Variants in AK4 observed in about 807,000 individuals in gnomAD.
The protein encoded by AK4 is adenylate kinase 4, mitochondrial.
In AK4, 13 loss-of-function variants were observed where a neutral mutation model predicts 24.6. The observed-to-expected ratio is 0.53, with a 90% CI of 0.34 to 0.84. The LOEUF (loss-of-function observed/expected upper bound fraction) is 0.84. Ranked by LOEUF, AK4 falls within the 40% of genes least tolerant of loss-of-function variation. The pLI is 0.01. For synonymous variants in AK4, 88 were observed against 107.0 expected, an observed-to-expected ratio of 0.82 and a Z score of 1.10; for missense variants, 192 against 288.2, an observed-to-expected ratio of 0.67 and a Z score of 2.42.
intron 1 of AK4, among the ~76,000 whole-genome samples, chr1:65,166,310 C>CTGTGTGTGTGTG (rs34870729): frequency 3.6e-4 from 52 of 143,116 alleles, no homozygotes; most frequent in Non-Finnish European, 5.1e-4. Context: ...GGGATTTAAG[C>CTGTGTGTGTGTG]TGTGTGTGTG....
At chr1:65,208,612 A>G (rs1651878993) in intron 2 of AK4, among the ~76,000 whole-genome samples, 1 of 152,160 alleles carries the variant, frequency 6.6e-6, no homozygotes, top group African/African-American at 2.4e-5. Flanking sequence ...TGGAGGTAGG[A>G]AGGGGGCTGA....
intron 3 of AK4, 149 bp from the exon 4 acceptor site, chr1:65,224,603 A>G (rs761636286): frequency 1.7e-5 from 11 of 639,816 alleles, no homozygotes; most frequent in South Asian, 3.7e-5. Context: ...TTCTTTTTCT[A>G]CTACTCTTAA....
chr1:65,227,279 A>G lies in AK4; in HGVS notation c.*1102A>G, dbSNP rs1652495145. Reference sequence around the variant, plus strand: ...TATGAGTGACCCAAACATATTATAAATATGTGGTAAAGGGAATGGAGCCTG... The same window carrying G: ...TATGAGTGACCCAAACATATTATAAGTATGTGGTAAAGGGAATGGAGCCTG... On this transcript the variant is annotated 3_prime_UTR_variant, in exon 5 of 5. Coordinates refer to ENST00000327299, the MANE Select transcript of AK4 (RefSeq NM_013410.4). The G allele has an allele frequency of 1.4e-5, 2 of 144,742 alleles. No homozygotes were observed. Among genetic ancestry groups the G allele is most frequent in the East Asian group, 2.1e-4 (1 of 4,876 alleles). 9.0% of individuals were successfully genotyped at this position (144,742 alleles called of 1,614,324 possible).
rs1353745217 is a variant in AK4 at position 65,229,616 on chromosome 1, G to A, written c.*3439G>A. On this transcript the variant is annotated 3_prime_UTR_variant, in exon 5 of 5. Transcript: ENST00000327299. The stretch of plus-strand genomic sequence containing the variant: ...CTTTTTCTTAGCTTAAGAAAAGAAA[G>A]CTGCTAGATGAGAGTCTTAGTTTTC... The A allele has an allele frequency of 6.6e-6, 1 of 151,858 alleles. No individual in the cohort carries two copies. Among genetic ancestry groups the A allele is most frequent in the Non-Finnish European group, 1.5e-5 (1 of 68,008 alleles). The allele number at this position is 151,858 out of a possible 1,614,324, so 9.4% of individuals were successfully genotyped here. A position where few individuals can be genotyped will look rare whatever the true frequency, so the allele number is the denominator to read the frequency against.
In AK4 at chr1:65,231,055, T is replaced by G. The variant is rs932507198; in HGVS notation, c.*4878T>G. ...TTTGGTGTCTTTAAAAAAAATAACCTAGTAATAAAGACTTCTTTTAATGTG... is the reference window on the plus strand; with the variant it reads ...TTTGGTGTCTTTAAAAAAAATAACCGAGTAATAAAGACTTCTTTTAATGTG... On this transcript the variant is annotated 3_prime_UTR_variant, in exon 5 of 5. Transcript: ENST00000327299. 1 of 152,198 alleles carries G rather than the reference T, an allele frequency of 6.6e-6. No individual in the cohort carries two copies. Among genetic ancestry groups the G allele is most frequent in the African/African-American group, 2.4e-5 (1 of 41,454 alleles). 9.4% of individuals were successfully genotyped at this position (152,198 alleles called of 1,614,324 possible).
intron 1 of AK4, among the ~76,000 whole-genome samples, chr1:65,189,674 C>CAT (rs1553124626): frequency 1.4e-5 from 2 of 140,816 alleles, no homozygotes; most frequent in African/African-American, 5.6e-5. Context: ...CACACACACA[C>CAT]ACACCCCACA....
chr1:65,158,253 G>A (rs1450871573), intron 1 of AK4, among the ~76,000 whole-genome samples: 2 of 152,008 alleles, frequency 1.3e-5, no homozygotes, highest in Non-Finnish European at 2.9e-5. Context: ...TAGTAAATTG[G>A]GCTTCAAGCT....
chr1:65,198,267 T>C (rs1004216355), intron 2 of AK4, among the ~76,000 whole-genome samples: 2 of 152,228 alleles, frequency 1.3e-5, no homozygotes, highest in Non-Finnish European at 2.9e-5. Context: ...GGAGCTCTAC[T>C]AGGGTGCTGT....
At chr1:65,214,040 A>G (rs1652049838) in intron 2 of AK4, among the ~76,000 whole-genome samples, 1 of 152,178 alleles carries the variant, frequency 6.6e-6, no homozygotes, top group African/African-American at 2.4e-5. Flanking sequence ...AGCTTCCAGG[A>G]TTGTTTAAGC....
rs1361865929 is a variant in AK4, at chr1:65,230,164, A to G, written c.*3987A>G. Reference sequence around the variant, plus strand: ...GATCACCCCCCTGCTGCCCTCTAGCAGCCAAACTCAGATGAGTTCCATTGT... The same window carrying G: ...GATCACCCCCCTGCTGCCCTCTAGCGGCCAAACTCAGATGAGTTCCATTGT... On this transcript the variant is annotated 3_prime_UTR_variant, in exon 5 of 5. Transcript: ENST00000327299. 6.6e-6 allele frequency: 1 copy of G among 152,232 alleles called. No homozygotes were observed. Among genetic ancestry groups the G allele is most frequent in the Non-Finnish European group, 1.5e-5 (1 of 68,082 alleles). 9.4% of individuals were successfully genotyped at this position (152,232 alleles called of 1,614,324 possible).
intron 1 of AK4, among the ~76,000 whole-genome samples, chr1:65,149,461 T>C (rs1312798000): frequency 6.6e-6 from 1 of 152,194 alleles, no homozygotes; most frequent in East Asian, 1.9e-4. Flanking sequence ...GCGAGGCTCT[T>C]AACCCTTCTG....
At chr1:65,181,952 G>C (rs1413391866) in intron 1 of AK4, among the ~76,000 whole-genome samples, 1 of 152,098 alleles carries the variant, frequency 6.6e-6, no homozygotes, top group Non-Finnish European at 1.5e-5. Flanking sequence ...GCCTCTCTCT[G>C]TTGCCCAGGC....
chr1:65,150,225 A>G (rs979155471), intron 1 of AK4, among the ~76,000 whole-genome samples: 1 of 151,296 alleles, frequency 6.6e-6, no homozygotes. Context: ...GCACTTTCTT[A>G]GGGGCTTTGA....
At position 65,228,778 on chromosome 1, in the gene AK4, T is replaced by C. The variant is rs141793935; in HGVS notation, c.*2601T>C. ...TTCCTTCACCTTTAAGCAAAGAGAG[T>C]GGTTCAGATGGTTTCTAAGATGCCA... On this transcript the variant is annotated 3_prime_UTR_variant, in exon 5 of 5. Coordinates refer to ENST00000327299, the MANE Select transcript of AK4 (RefSeq NM_013410.4). 8.6e-5 allele frequency: 13 copies of C among 150,620 alleles called. 1 individual carries two copies. The highest frequency in any genetic ancestry group is 2.9e-4 in the African/African-American group (12 of 41,022). The allele number at this position is 150,620 out of a possible 1,614,324, so 9.3% of individuals were successfully genotyped here. A position where few individuals can be genotyped will look rare whatever the true frequency, so the allele number is the denominator to read the frequency against.
At chr1:65,224,086 A>T (rs1227812044) in intron 3 of AK4, among the ~76,000 whole-genome samples, 1 of 152,236 alleles carries the variant, frequency 6.6e-6, no homozygotes, top group Non-Finnish European at 1.5e-5. Context: ...AGCAACACAT[A>T]GGAAAAGCTA....
intron 1 of AK4, among the ~76,000 whole-genome samples, chr1:65,161,151 A>T (rs1263310877): frequency 6.6e-6 from 1 of 152,106 alleles, no homozygotes; most frequent in Non-Finnish European, 1.5e-5. Flanking sequence ...TCCCATGATC[A>T]AAAGGACCAA....
chr1:65,190,318 A>G (rs947967099), intron 1 of AK4, among the ~76,000 whole-genome samples: 17 of 150,572 alleles, frequency 1.1e-4, no homozygotes, highest in African/African-American at 4.2e-4. Flanking sequence ...TCAGTAGTGC[A>G]GTCAATGAGC....
chr1:65,202,242 G>A (rs1437099317), intron 2 of AK4, among the ~76,000 whole-genome samples: 4 of 151,646 alleles, frequency 2.6e-5, no homozygotes, highest in African/African-American at 7.2e-5. Flanking sequence ...CTAAAAATAC[G>A]AAAAATTAGC....
upstream of AK4, chr1:65,148,116 G>C: frequency 2.1e-6 from 1 of 465,424 alleles, no homozygotes; most frequent in Non-Finnish European, 3.5e-6. Flanking sequence ...GGCGGGGCAC[G>C]GCGCGCTTCA....
Sources: gnomAD v4.1 joint callset for allele counts (sites outside exome capture counted in the v4.1 genomes callset) on GRCh38, gnomAD v4.1.1 for gene constraint, MANE v1.5 for transcripts, NCBI Gene and HGNC (gene_info 2026-07-23, HGNC 2026-07-21) for gene names.